Variants in KLHL18 observed in about 807,000 individuals in gnomAD.
The protein encoded by KLHL18 is kelch-like protein 18.
A neutral mutation model predicts 58.5 loss-of-function variants in KLHL18; 38 were observed. The observed-to-expected ratio is 0.65, with a 90% CI of 0.50 to 0.85. The LOEUF (loss-of-function observed/expected upper bound fraction) is 0.85. Ranked by LOEUF, KLHL18 falls within the 40% of genes least tolerant of loss-of-function variation. The probability of loss-of-function intolerance (pLI) is 0.00; values close to 1 mark genes in which losing one functional copy is unlikely to be tolerated. For synonymous variants in KLHL18, 303 were observed against 301.9 expected, an observed-to-expected ratio of 1.00 and a Z score of -0.04; for missense variants, 624 against 778.4, an observed-to-expected ratio of 0.80 and a Z score of 2.36.
intron 1 of KLHL18, among the ~76,000 whole-genome samples, chr3:47,298,263 GA>G (rs1702937665): frequency 1.3e-5 from 2 of 150,918 alleles, no homozygotes; most frequent in African/African-American, 4.9e-5. Flanking sequence ...GGCTACTTGG[GA>G]GGATCACTTA....
chr3:47,336,472 A>G (rs1703986970), intron 6 of KLHL18, 63 bp from the exon 7 acceptor site: 2 of 1,395,562 alleles, frequency 1.4e-6, no homozygotes, highest in Non-Finnish European at 1.0e-6. Context: ...ATCAATGCCC[A>G]ATAGCTGTGC....
intron 3 of KLHL18, among the ~76,000 whole-genome samples, chr3:47,324,418 T>C (rs575060340): frequency 5.3e-5 from 8 of 150,092 alleles, no homozygotes; most frequent in Non-Finnish European, 8.9e-5. Flanking sequence ...AAAGGATTGT[T>C]GACGAGCCTC....
chr3:47,297,586 A>T (rs1400009698), intron 1 of KLHL18: 1 of 456,678 alleles, frequency 2.2e-6, no homozygotes, highest in South Asian at 1.5e-5. Context: ...AGATGAGATG[A>T]GAAGGTCATG....
intron 4 of KLHL18, among the ~76,000 whole-genome samples, chr3:47,330,939 C>T (rs1371559858): frequency 2.0e-5 from 3 of 151,924 alleles, no homozygotes; most frequent in South Asian, 2.1e-4. Flanking sequence ...ACCATGTTGG[C>T]GAGGCTGGTC....
At chr3:47,314,912 T>G (rs1269449989) in intron 1 of KLHL18, among the ~76,000 whole-genome samples, 1 of 152,230 alleles carries the variant, frequency 6.6e-6, no homozygotes, top group Non-Finnish European at 1.5e-5. Flanking sequence ...AAGATAGGCC[T>G]ATCTTCTCTG....
intron 4 of KLHL18, among the ~76,000 whole-genome samples, chr3:47,331,330 T>C (rs1421825557): frequency 1.3e-5 from 2 of 151,642 alleles, no homozygotes; most frequent in Admixed American, 1.3e-4. Context: ...TTTCACCACG[T>C]TGGCCAGGCT....
intron 1 of KLHL18, among the ~76,000 whole-genome samples, chr3:47,297,871 G>T (rs915787836): frequency 1.3e-5 from 2 of 152,174 alleles, no homozygotes; most frequent in African/African-American, 4.8e-5. Context: ...AATGTGTGCT[G>T]TAGTGGACGC....
chr3:47,326,130 T>G (rs1454540778), intron 3 of KLHL18, among the ~76,000 whole-genome samples: 1 of 151,980 alleles, frequency 6.6e-6, no homozygotes, highest in African/African-American at 2.4e-5. Flanking sequence ...GTATTTTTAG[T>G]AGAGATGGGG....
intron 1 of KLHL18, chr3:47,287,418 T>C (rs1166834409): frequency 6.6e-6 from 1 of 152,124 alleles, no homozygotes; most frequent in East Asian, 1.9e-4. Flanking sequence ...AATTAGTTAA[T>C]GTACTTCAAA....
chr3:47,289,800 A>G (rs1702753548), intron 1 of KLHL18, among the ~76,000 whole-genome samples: 1 of 152,080 alleles, frequency 6.6e-6, no homozygotes, highest in Admixed American at 6.6e-5. Flanking sequence ...AAAAAAGAGA[A>G]TTGTAGAGGT....
At chr3:47,313,837 C>G (rs1051967974) in intron 1 of KLHL18, among the ~76,000 whole-genome samples, 2 of 152,154 alleles carry the variant, frequency 1.3e-5, no homozygotes, top group African/African-American at 2.4e-5. Flanking sequence ...CACATAATAG[C>G]TACCTGACAT....
At chr3:47,289,254 A>G (rs996401775) in intron 1 of KLHL18, among the ~76,000 whole-genome samples, 4 of 152,196 alleles carry the variant, frequency 2.6e-5, no homozygotes, top group African/African-American at 7.2e-5. Context: ...TGGTTCCTGA[A>G]AGATCTGCTG....
intron 1 of KLHL18, chr3:47,287,409 A>G (rs560085928): frequency 6.6e-5 from 10 of 152,090 alleles, no homozygotes; most frequent in African/African-American, 2.4e-4. Flanking sequence ...TGAGGATTCA[A>G]TTAGTTAATG....
intron 3 of KLHL18, among the ~76,000 whole-genome samples, chr3:47,325,130 C>T (rs994056764): frequency 1.3e-5 from 2 of 152,188 alleles, no homozygotes; most frequent in Non-Finnish European, 2.9e-5. Flanking sequence ...GATGGTGTCT[C>T]CCAGCTCCCC....
At position 47,346,283 on chromosome 3, in the gene KLHL18, G is replaced by A. The variant is rs1444035911; in HGVS notation, c.*2342G>A. The A allele has an allele frequency of 6.6e-6, 1 of 152,494 alleles. No individual in the cohort carries two copies. The highest frequency in any genetic ancestry group is 1.5e-5 in the Non-Finnish European group (1 of 68,044). The allele number at this position is 152,494 out of a possible 1,614,324, so 9.4% of individuals were successfully genotyped here. ...CACCTCCTGGTGTAGAATTTACACT[G>A]CTGCACCTGAGGTCGATGTTTCAAA... On this transcript the variant is annotated 3_prime_UTR_variant, in exon 10 of 10. Transcript: ENST00000232766.
chr3:47,300,146 C>A (rs1195321654), intron 1 of KLHL18, among the ~76,000 whole-genome samples: 3 of 151,218 alleles, frequency 2.0e-5, no homozygotes, highest in Non-Finnish European at 2.9e-5. Flanking sequence ...CCCTTCTCTC[C>A]CCCTCTCCAC....
intron 7 of KLHL18, among the ~76,000 whole-genome samples, chr3:47,339,885 CA>C (rs547030168): frequency 1.4e-3 from 189 of 139,766 alleles, no homozygotes; most frequent in South Asian, 2.7e-3. Flanking sequence ...GACCCTGTCT[CA>C]AAAAAAAAAA....
chr3:47,310,209 T>A (rs984593063), intron 1 of KLHL18, among the ~76,000 whole-genome samples: 1 of 152,206 alleles, frequency 6.6e-6, no homozygotes, highest in South Asian at 2.1e-4. Flanking sequence ...CACCTGCCTG[T>A]GGTAGGGAAC....
rs553353842 is a variant in KLHL18, at chr3:47,317,189, C to T, written c.130-2464C>T. On this transcript the variant is annotated intron_variant, in intron 1 of 9. Transcript: ENST00000232766. ...GTGCAGTGGTACGGTGTCTGCTCAC[C>T]GCAACCTCCGCCTCCCAGGTTCAAG... 1.8e-4 allele frequency among the ~76,000 whole-genome samples: 28 copies of T among 152,158 alleles called. No individual in the cohort carries two copies. The South Asian group carries it at 2.5e-3, about 14-fold the overall frequency.
Sources: allele counts gnomAD v4.1 joint callset (sites outside exome capture counted in the v4.1 genomes callset), GRCh38; gene constraint gnomAD v4.1.1; transcripts MANE v1.5; gene names NCBI Gene and HGNC (gene_info 2026-07-23, HGNC 2026-07-21).